Variants in BACH2 observed in about 807,000 individuals in gnomAD.
BACH2 encodes transcription regulator protein BACH2.
In BACH2, 5 loss-of-function variants were observed where a neutral mutation model predicts 61.8. The ratio of observed to expected loss-of-function variants is 0.08; its 90% confidence interval spans 0.04 to 0.17. The LOEUF (loss-of-function observed/expected upper bound fraction) is 0.17, where lower values mean the gene tolerates loss of function less well. Among genes scored for constraint, BACH2 ranks in the 10% least tolerant of loss-of-function variants. The pLI, the probability that BACH2 is intolerant of heterozygous loss-of-function variation, is 1.00. For synonymous variants in BACH2, 446 were observed against 440.1 expected (o/e 1.01, Z -0.17); for missense variants, 824 against 1,091.1 (o/e 0.76, Z 3.45).
intron 5 of BACH2, among the ~76,000 whole-genome samples, chr6:90,031,198 A>G (rs1273968728): frequency 5.9e-5 from 9 of 152,070 alleles, no homozygotes; most frequent in East Asian, 1.9e-4. Flanking sequence ...TTGATGGGAC[A>G]TATCTCAAAA....
At chr6:90,244,944 A>C (rs1483774517) in intron 3 of BACH2, among the ~76,000 whole-genome samples, 2 of 152,234 alleles carry the variant, frequency 1.3e-5, no homozygotes, top group Non-Finnish European at 1.5e-5. Context: ...CTGTAATCCC[A>C]GCACTTTGGG....
intron 2 of BACH2, among the ~76,000 whole-genome samples, chr6:90,257,897 T>G (rs931056561): frequency 2.6e-5 from 4 of 152,132 alleles, no homozygotes; most frequent in African/African-American, 9.7e-5. Context: ...TGCCTCAGCC[T>G]CCCAAGTAGC....
At chr6:89,952,376 T>C (rs1000874087) in intron 6 of BACH2, among the ~76,000 whole-genome samples, 1 of 152,190 alleles carries the variant, frequency 6.6e-6, no homozygotes, top group South Asian at 2.1e-4. Context: ...TCACTTACAA[T>C]GTTAAAAGAG....
At chr6:90,169,168 TA>T (rs35775210) in intron 4 of BACH2, among the ~76,000 whole-genome samples, 12,829 of 141,458 alleles carry the variant, frequency 0.091, 941 homozygotes, top group East Asian at 0.44. Flanking sequence ...TACTGGTGAT[TA>T]AAAAAAAAAA....
intron 2 of BACH2, among the ~76,000 whole-genome samples, chr6:90,261,443 T>C (rs116064937): frequency 2.6e-5 from 4 of 152,230 alleles, no homozygotes; most frequent in East Asian, 1.9e-4. Context: ...CTTGAAAGAG[T>C]AGTATAAATG....
Position 89,950,278 on chromosome 6 carries a change from C to G in BACH2, c.1828G>C (p.Gly610Arg). The change falls in exon 7 of 9, where the codon GGC (glycine) becomes CGC (arginine). Residue 610 changes from glycine to arginine, a missense_variant. Gly to Arg is a moderately radical substitution (Grantham distance 125). Around this residue, in one of 8 missense-constraint regions of BACH2, gnomAD observed 160 missense variants for 283.5 expected, o/e 0.56. Coordinates refer to ENST00000257749, the MANE Select transcript of BACH2 (RefSeq NM_021813.4). The surrounding 1 kb of genome is among the most constrained non-coding windows in gnomAD (Gnocchi z 5.3). ...DSESCPVQDR[G>R]QEVKLPFPVD... ...TTATGTGGGTTCCCTACCTCCTGGC[C>G]CCTGTCCTGCACAGGACACGACTCA... The G allele has an allele frequency of 1.2e-6, 2 of 1,614,102 alleles. No individual in the cohort carries two copies. Among genetic ancestry groups the G allele is most frequent in the Non-Finnish European group, 1.7e-6 (2 of 1,180,030 alleles).
In BACH2 at chr6:90,021,694, A is replaced by G. The variant is rs954156168; in HGVS notation, c.-12-12838T>C. Among the ~76,000 whole-genome samples, 5 of 152,284 alleles carry G rather than the reference A, an allele frequency of 3.3e-5. No homozygotes were observed. The South Asian group carries it at 8.4e-4, about 26-fold the overall frequency. On this transcript the variant is annotated intron_variant, in intron 5 of 8. Coordinates refer to ENST00000257749, the MANE Select transcript of BACH2 (RefSeq NM_021813.4). ...TAGAGTGCACAGTGCTATAAAAATTACTTACTTATTACTTTTGGATTGGAA... is the reference window on the plus strand; with the variant it reads ...TAGAGTGCACAGTGCTATAAAAATTGCTTACTTATTACTTTTGGATTGGAA...
intron 5 of BACH2, chr6:90,080,906 G>T (rs940955426): frequency 2.8e-6 from 1 of 353,812 alleles, no homozygotes; most frequent in Non-Finnish European, 3.9e-6. Context: ...TTGGGTGATA[G>T]TCCACTATCG....
chr6:90,211,126 C>CAGAA (rs1769331567), intron 3 of BACH2, among the ~76,000 whole-genome samples: 1 of 45,360 alleles, frequency 2.2e-5, no homozygotes, highest in Non-Finnish European at 3.8e-5. Flanking sequence ...GACTCCATCT[C>CAGAA]AAAAAAAAAA....
chr6:90,088,498 G>A (rs952627845), intron 5 of BACH2, among the ~76,000 whole-genome samples: 2 of 151,722 alleles, frequency 1.3e-5, no homozygotes, highest in African/African-American at 2.4e-5. Context: ...TGAGACATAA[G>A]TCAGTGTATT....
intron 4 of BACH2, among the ~76,000 whole-genome samples, chr6:90,189,347 G>A (rs1768474335): frequency 6.6e-6 from 1 of 151,438 alleles, no homozygotes; most frequent in African/African-American, 2.4e-5. Context: ...GGTGGCTCAC[G>A]CCTGTAATCC....
chr6:90,111,024 C>CA (rs1279764203), intron 4 of BACH2, among the ~76,000 whole-genome samples: 1 of 152,216 alleles, frequency 6.6e-6, no homozygotes, highest in Admixed American at 6.5e-5. Flanking sequence ...TGGTGAAGAA[C>CA]TAGCAGTTTG....
Position 89,927,454 on chromosome 6 carries a change from C to G in BACH2, c.*4954G>C, listed in dbSNP as rs1197204454. The G allele has an allele frequency of 6.5e-6, 1 of 152,800 alleles. No individual in the cohort carries two copies. The highest frequency in any genetic ancestry group is 1.5e-5 in the Non-Finnish European group (1 of 68,036). 9.5% of individuals were successfully genotyped at this position (152,800 alleles called of 1,614,324 possible). A position where few individuals can be genotyped will look rare whatever the true frequency, so the allele number is the denominator to read the frequency against. ...GCGTCTGATTATTCCCATGGGAGCA[C>G]TTGGCACTGAATGTGAGTCTACCTG... On this transcript the variant is annotated 3_prime_UTR_variant, in exon 9 of 9. Coordinates refer to ENST00000257749, the MANE Select transcript of BACH2 (RefSeq NM_021813.4).
chr6:90,154,982 T>G (rs553252999), intron 4 of BACH2, among the ~76,000 whole-genome samples: 1 of 152,088 alleles, frequency 6.6e-6, no homozygotes, highest in Non-Finnish European at 1.5e-5. Context: ...ATAAGTCAGG[T>G]TGCACAGCAG....
intron 6 of BACH2, among the ~76,000 whole-genome samples, chr6:89,954,188 G>T (rs1046835836): frequency 3.3e-5 from 5 of 152,098 alleles, no homozygotes; most frequent in Non-Finnish European, 7.4e-5. Flanking sequence ...TAATGTGCCA[G>T]TTGCCAAAAG....
chr6:89,966,454 A>G (rs1775052194), intron 6 of BACH2, among the ~76,000 whole-genome samples: 1 of 152,218 alleles, frequency 6.6e-6, no homozygotes, highest in African/African-American at 2.4e-5. Flanking sequence ...TGTGAATTGG[A>G]CAATGGCTGC....
At chr6:89,953,858 G>A (rs559858545) in intron 6 of BACH2, among the ~76,000 whole-genome samples, 4 of 152,218 alleles carry the variant, frequency 2.6e-5, no homozygotes, top group African/African-American at 9.6e-5. Context: ...GGCAGGCAAG[G>A]GTCTTTGTTT....
intron 5 of BACH2, among the ~76,000 whole-genome samples, chr6:90,061,268 T>C (rs1780671631): frequency 1.3e-5 from 2 of 152,132 alleles, no homozygotes; most frequent in South Asian, 4.1e-4. Context: ...AATGACTCGA[T>C]ATCTGATTGG....
rs542700667 is a variant in BACH2, at chr6:90,146,368, G to A, written c.-161-57259C>T. 1.1e-4 allele frequency among the ~76,000 whole-genome samples: 17 copies of A among 152,340 alleles called. 1 individual carries two copies. In the East Asian group the frequency reaches 2.1e-3, roughly 19 times the overall value. ...ATTTAGCACTCTCTCTCTTGCGTGCGTGTGCTCTGTGTATTCATCCTTGTT... is the reference window on the plus strand; with the variant it reads ...ATTTAGCACTCTCTCTCTTGCGTGCATGTGCTCTGTGTATTCATCCTTGTT... On this transcript the variant is annotated intron_variant, in intron 4 of 8. Coordinates refer to ENST00000257749, the MANE Select transcript of BACH2 (RefSeq NM_021813.4).
Sources: allele counts gnomAD v4.1 joint callset (sites outside exome capture counted in the v4.1 genomes callset), GRCh38; gene constraint gnomAD v4.1.1; regional missense constraint gnomAD v4.1.1; non-coding constraint Gnocchi (gnomAD v3.1); transcripts MANE v1.5; gene names NCBI Gene and HGNC (gene_info 2026-07-23, HGNC 2026-07-21).